SHOC2: variants seen among roughly 807,000 people sequenced by gnomAD.
SHOC2 encodes the protein leucine-rich repeat protein SHOC-2.
In SHOC2, 4 loss-of-function variants were observed where a neutral mutation model predicts 50.2. The observed-to-expected ratio is 0.08, with a 90% CI of 0.04 to 0.18. The LOEUF is 0.18. Ranked by LOEUF, SHOC2 falls within the 10% of genes least tolerant of loss-of-function variation. SHOC2 has a pLI of 1.00. For synonymous variants in SHOC2, 218 were observed against 244.5 expected (o/e 0.89, Z 1.01); for missense variants, 388 against 669.6 (o/e 0.58, Z 4.64).
chr10:111,006,185 A>G (rs1176632707), intron 5 of SHOC2, among the ~76,000 whole-genome samples: 1 of 151,978 alleles, frequency 6.6e-6, no homozygotes. Context: ...TTTATAAATC[A>G]TACTATAAGT....
chr10:110,921,668 T>C (rs1207625143), intron 1 of SHOC2, among the ~76,000 whole-genome samples: 1 of 152,204 alleles, frequency 6.6e-6, no homozygotes, highest in East Asian at 1.9e-4. Flanking sequence ...GCATCTACCC[T>C]TTGTGATACA....
At chr10:111,004,496 A>G (rs1429618203) in intron 4 of SHOC2, 110 bp from the exon 5 acceptor site, 3 of 763,414 alleles carry the variant, frequency 3.9e-6, no homozygotes, top group Non-Finnish European at 4.6e-6. Flanking sequence ...AGTCTCTGTC[A>G]TTTGTCACCC....
intron 1 of SHOC2, among the ~76,000 whole-genome samples, chr10:110,927,851 G>T (rs2134072003): frequency 6.6e-6 from 1 of 152,188 alleles, no homozygotes; most frequent in South Asian, 2.1e-4. Flanking sequence ...TGCAAATAAG[G>T]CTCATGAAAA....
At chr10:110,958,585 C>T (rs960847086) in intron 1 of SHOC2, among the ~76,000 whole-genome samples, 3 of 152,278 alleles carry the variant, frequency 2.0e-5, no homozygotes, top group African/African-American at 7.2e-5. Context: ...TGTGGATAGT[C>T]TCATCTGAAA....
chr10:110,930,659 A>AATAT (rs1846875547), intron 1 of SHOC2, among the ~76,000 whole-genome samples: 1 of 150,576 alleles, frequency 6.6e-6, no homozygotes, highest in Non-Finnish European at 1.5e-5. Context: ...ATATCTTGGG[A>AATAT]ATACTTAAGT....
chr10:110,996,875 G>A (rs934338335), intron 3 of SHOC2, among the ~76,000 whole-genome samples: 1 of 152,146 alleles, frequency 6.6e-6, no homozygotes, highest in Non-Finnish European at 1.5e-5. Flanking sequence ...TTATAATATG[G>A]TGTAATCATG....
intron 2 of SHOC2, among the ~76,000 whole-genome samples, chr10:110,968,703 T>G (rs1330153734): frequency 6.6e-6 from 1 of 152,084 alleles, no homozygotes; most frequent in African/African-American, 2.4e-5. Context: ...CTGGGAAGAC[T>G]GAGGCAGGAG....
At chr10:110,962,219 C>T (rs907354467) in intron 1 of SHOC2, among the ~76,000 whole-genome samples, 1 of 151,828 alleles carries the variant, frequency 6.6e-6, no homozygotes, top group Admixed American at 6.6e-5. Context: ...AGGAGGTGTC[C>T]TTCTAAATTT....
intron 1 of SHOC2, among the ~76,000 whole-genome samples, chr10:110,959,667 C>T (rs1483888247): frequency 6.6e-6 from 1 of 152,170 alleles, no homozygotes; most frequent in Non-Finnish European, 1.5e-5. Context: ...TGTTAGCATT[C>T]TTGGATTAGG....
chr10:110,957,121 A>G (rs1199616302), intron 1 of SHOC2, among the ~76,000 whole-genome samples: 3 of 152,200 alleles, frequency 2.0e-5, no homozygotes, highest in Non-Finnish European at 4.4e-5. Context: ...GGAAATAGCA[A>G]TATTCATAAA....
chr10:110,969,357 C>T (rs11597120), intron 2 of SHOC2, among the ~76,000 whole-genome samples: 10,548 of 152,168 alleles, frequency 0.069, 532 homozygotes, highest in African/African-American at 0.14. Flanking sequence ...CACTTTTTTA[C>T]CTCCTTTCCC....
At chr10:110,994,410 A>G (rs1296800142) in intron 3 of SHOC2, among the ~76,000 whole-genome samples, 14 of 152,336 alleles carry the variant, frequency 9.2e-5, no homozygotes, top group South Asian at 6.2e-4. Context: ...TTAAATATCT[A>G]TATCATCTGA....
chr10:110,999,993 C>A (rs1005996179), intron 3 of SHOC2, among the ~76,000 whole-genome samples: 3 of 151,978 alleles, frequency 2.0e-5, no homozygotes, highest in African/African-American at 7.2e-5. Flanking sequence ...TTGGAAATTT[C>A]TTCTCCAAAA....
chr10:110,936,999 T>A (rs1847034865), intron 1 of SHOC2: 2 of 1,478,530 alleles, frequency 1.4e-6, no homozygotes, highest in Admixed American at 3.4e-5. Context: ...AGCCAGAAGA[T>A]GGGGCTGGGG....
intron 3 of SHOC2, among the ~76,000 whole-genome samples, chr10:110,991,575 T>A (rs1489393280): frequency 6.6e-6 from 1 of 152,226 alleles, no homozygotes; most frequent in Non-Finnish European, 1.5e-5. Flanking sequence ...TAATATTTAT[T>A]GAAACTTTTT....
chr10:110,932,757 A>G (rs1423556488), intron 1 of SHOC2, among the ~76,000 whole-genome samples: 1 of 151,892 alleles, frequency 6.6e-6, no homozygotes, highest in Non-Finnish European at 1.5e-5. Context: ...TGCTTTACTC[A>G]CTTGTGTATA....
chr10:110,935,146 G>A (rs921049813), intron 1 of SHOC2, among the ~76,000 whole-genome samples: 6 of 152,000 alleles, frequency 3.9e-5, no homozygotes, highest in African/African-American at 9.7e-5. Context: ...TAACACTTAC[G>A]TAGTGCTTTG....
chr10:110,930,380 A>G (rs1358866372), intron 1 of SHOC2, among the ~76,000 whole-genome samples: 1 of 152,172 alleles, frequency 6.6e-6, no homozygotes, highest in Non-Finnish European at 1.5e-5. Context: ...GATAGTTTAA[A>G]TAGAGTGAGT....
At chr10:110,922,589 A>G (rs1333227440) in intron 1 of SHOC2, among the ~76,000 whole-genome samples, 1 of 152,082 alleles carries the variant, frequency 6.6e-6, no homozygotes, top group Non-Finnish European at 1.5e-5. Context: ...TATCTTTAGA[A>G]TTTGGTTTAC....
Sources: gnomAD v4.1 joint callset for allele counts (sites outside exome capture counted in the v4.1 genomes callset) on GRCh38, gnomAD v4.1.1 for gene constraint, MANE v1.5 for transcripts, NCBI Gene and HGNC (gene_info 2026-07-23, HGNC 2026-07-21) for gene names.